Variants in SMIM10L2B observed in about 807,000 individuals in gnomAD.
SMIM10L2B encodes the protein small integral membrane protein 10-like protein 2B.
For synonymous variants in SMIM10L2B, 28 were observed against 30.0 expected, an observed-to-expected ratio of 0.93 and a Z score of 0.22; for missense variants, 40 against 58.7, an observed-to-expected ratio of 0.68 and a Z score of 1.04.
rs1158419625 is a variant in SMIM10L2B at position 135,098,493 on chromosome X, G to T, written c.141C>A (p.Phe47Leu). 97 of 1,064,288 alleles carry T rather than the reference G, an allele frequency of 9.1e-5. No homozygotes were observed. The highest frequency in any genetic ancestry group is 1.1e-4 in the Non-Finnish European group (92 of 810,887). The allele number at this position is 1,064,288 out of a possible 1,213,427, so 87.7% of individuals were successfully genotyped here. The change falls in exon 1 of 2, where the codon TTC becomes TTA. Residue 47 changes from phenylalanine (F) to leucine (L), a missense_variant. By Grantham distance (22) the Phe-to-Leu change is conservative. Coordinates refer to ENST00000433425, the MANE Select transcript of SMIM10L2B (RefSeq NM_001348255.2). Reference protein sequence around the residue: ...CKGLTRTLLTFFDLAWRLRMN... With the variant: ...CKGLTRTLLTLFDLAWRLRMN... ...TGCGCAGCCGCCAGGCCAGGTCGAA[G>T]AAGGTGAGCAGCGTGCGCGTGAGCC...
In SMIM10L2B at chrX:135,097,726, C is replaced by T. The variant is rs879978798; in HGVS notation, c.*364+307G>A. ...CATCGTTGCTCCTCTAGGGCCTTCCCGGGGCCGCCCCCAGCCCACTACCTT... is the reference window on the plus strand; with the variant it reads ...CATCGTTGCTCCTCTAGGGCCTTCCTGGGGCCGCCCCCAGCCCACTACCTT... On this transcript the variant is annotated intron_variant, in intron 1 of 1. Coordinates refer to ENST00000433425, the MANE Select transcript of SMIM10L2B (RefSeq NM_001348255.2). 3.6e-5 allele frequency among the ~76,000 whole-genome samples: 4 copies of T among 112,293 alleles called. No individual in the cohort carries two copies. In the Admixed American group the frequency reaches 3.7e-4, roughly 10 times the overall value.
rs2083444375 is a variant in SMIM10L2B at position 135,095,627 on chromosome X, G to A, written c.*1859C>T. 8.9e-6 allele frequency: 1 copy of A among 111,937 alleles called. No homozygotes were observed. Among genetic ancestry groups the A allele is most frequent in the African/African-American group, 3.3e-5 (1 of 30,746 alleles). 9.2% of individuals were successfully genotyped at this position (111,937 alleles called of 1,213,427 possible). On this transcript the variant is annotated 3_prime_UTR_variant, in exon 2 of 2. Coordinates refer to ENST00000433425, the MANE Select transcript of SMIM10L2B (RefSeq NM_001348255.2). ...ACCCTTCCTGGCTGGCCCAGGAAGAGGCTGGAGCTAGGGATCCAGTCACCC... is the reference window on the plus strand; with the variant it reads ...ACCCTTCCTGGCTGGCCCAGGAAGAAGCTGGAGCTAGGGATCCAGTCACCC...
rs2083442879 is a variant in SMIM10L2B, at chrX:135,095,223, C to CCA, written c.*2262_*2263insTG. On this transcript the variant is annotated 3_prime_UTR_variant, in exon 2 of 2. Coordinates refer to ENST00000433425, the MANE Select transcript of SMIM10L2B (RefSeq NM_001348255.2). ...GAGACCCCATCACGCAGCAAGGGCC[C>CCA]TGTAGGGGAGAGAAGAGGTGGGGAG... 1 of 111,392 alleles carries CCA rather than the reference C, an allele frequency of 9.0e-6. No homozygotes were observed. The highest frequency in any genetic ancestry group is 3.3e-5 in the African/African-American group (1 of 30,506). The allele number at this position is 111,392 out of a possible 1,213,427, so 9.2% of individuals were successfully genotyped here.
In SMIM10L2B at chrX:135,096,433, G is replaced by A. The variant is rs782501736; in HGVS notation, c.*1053C>T. 2.2e-4 allele frequency: 24 copies of A among 111,244 alleles called. No homozygotes were observed. Among genetic ancestry groups the A allele is most frequent in the African/African-American group, 7.9e-4 (24 of 30,534 alleles). The allele number at this position is 111,244 out of a possible 1,213,427, so 9.2% of individuals were successfully genotyped here. A position where few individuals can be genotyped will look rare whatever the true frequency, so the allele number is the denominator to read the frequency against. ...GCCCCACTTGCCCACCAAACTGGGA[G>A]GTTTGTGCCACTTCACTGCTGAAAA... On this transcript the variant is annotated 3_prime_UTR_variant, in exon 2 of 2. Transcript: ENST00000433425.
chrX:135,098,584 G>C lies in SMIM10L2B; in HGVS notation c.50C>G (p.Ser17Cys). The part of the protein sequence containing the change: ...LSAAAAAAAL[S>C]GLAVRLSRSA... ...GCGCGACAGCCGAACCGCCAAGCCA[G>C]ACAGGGCTGCCGCCGCCGCCGCCGC... Residue 17 changes from serine to cysteine, a missense_variant, in exon 1 of 2, where the codon TCT becomes TGT. Coordinates refer to ENST00000433425, the MANE Select transcript of SMIM10L2B (RefSeq NM_001348255.2). 1.4e-6 allele frequency: 1 copy of C among 692,235 alleles called. No individual in the cohort carries two copies. Among genetic ancestry groups the C allele is most frequent in the South Asian group, 4.2e-5 (1 of 23,632 alleles). The allele number at this position is 692,235 out of a possible 1,213,427, so 57.0% of individuals were successfully genotyped here.
In SMIM10L2B at chrX:135,095,113, TCA is replaced by T. The variant is rs1290289644; in HGVS notation, c.*2371_*2372del. On this transcript the variant is annotated 3_prime_UTR_variant, in exon 2 of 2. Transcript: ENST00000433425. Reference sequence around the variant, plus strand: ...CCTGTGCTGACCAGTACACAGTGAATCACACACAGAAACGTATGTCATTCCGG... The same window carrying T: ...CCTGTGCTGACCAGTACACAGTGAATCACACAGAAACGTATGTCATTCCGG... 1.8e-5 allele frequency: 2 copies of T among 111,203 alleles called. No individual in the cohort carries two copies. Among genetic ancestry groups the T allele is most frequent in the Non-Finnish European group, 3.8e-5 (2 of 52,947 alleles). The allele number at this position is 111,203 out of a possible 1,213,427, so 9.2% of individuals were successfully genotyped here.
chrX:135,097,054 C>T lies in SMIM10L2B; in HGVS notation c.*432G>A, dbSNP rs2083449598. On this transcript the variant is annotated 3_prime_UTR_variant, in exon 2 of 2. Coordinates refer to ENST00000433425, the MANE Select transcript of SMIM10L2B (RefSeq NM_001348255.2). The stretch of plus-strand genomic sequence containing the variant: ...AAGCAGGTCCAGGGTCAGAGGTGCC[C>T]CAGGGTAGGGATGAGACTCTTGGCA... 1.8e-5 allele frequency: 2 copies of T among 113,320 alleles called. 1 individual carries two copies. Among genetic ancestry groups the T allele is most frequent in the South Asian group, 7.1e-4 (2 of 2,833 alleles). 9.3% of individuals were successfully genotyped at this position (113,320 alleles called of 1,213,427 possible). A position where few individuals can be genotyped will look rare whatever the true frequency, so the allele number is the denominator to read the frequency against.
rs1423009250 is a variant in SMIM10L2B at position 135,096,376 on chromosome X, T to C, written c.*1110A>G. On this transcript the variant is annotated 3_prime_UTR_variant, in exon 2 of 2. Transcript: ENST00000433425. The stretch of plus-strand genomic sequence containing the variant: ...TTATCCCTTCACCCTCCTGGTTATG[T>C]CGTGTCTCCAGGAGCCATGACACCA... 1.8e-5 allele frequency: 2 copies of C among 110,525 alleles called. No individual in the cohort carries two copies. Among genetic ancestry groups the C allele is most frequent in the Non-Finnish European group, 3.8e-5 (2 of 52,737 alleles). 9.1% of individuals were successfully genotyped at this position (110,525 alleles called of 1,213,427 possible).
Position 135,098,297 on chromosome X carries a change from G to A in SMIM10L2B, c.*100C>T, listed in dbSNP as rs1275003534. ...GGCCGCCCCACCTCCGCCCCCCGCC[G>A]CGATCCAGCTGTCCTTCATGCCCGC... is the stretch of plus-strand genomic sequence containing the variant. On this transcript the variant is annotated 3_prime_UTR_variant, in exon 1 of 2. Transcript: ENST00000433425. 5 of 273,016 alleles carry A rather than the reference G, an allele frequency of 1.8e-5. No individual in the cohort carries two copies. Among genetic ancestry groups the A allele is most frequent in the African/African-American group, 1.4e-4 (5 of 34,803 alleles). 22.5% of individuals were successfully genotyped at this position (273,016 alleles called of 1,213,427 possible).
rs2083456310 is a variant in SMIM10L2B, at chrX:135,098,436, C to T, written c.198G>A (p.Ser66=). Residue 66 remains serine, a synonymous_variant, in exon 1 of 2, where the codon TCG becomes TCA. Coordinates refer to ENST00000433425, the MANE Select transcript of SMIM10L2B (RefSeq NM_001348255.2). ...CTTGCAGGCGGACGTTGAGCATCAC[C>T]GAGGCCACGATGTAGAAGTAGGGGA... ...MNFPYFYIVA[S]VMLNVRLQVR... The T allele has an allele frequency of 7.2e-6, 6 of 836,779 alleles. No homozygotes were observed. The highest frequency in any genetic ancestry group is 8.1e-6 in the Non-Finnish European group (5 of 616,236). 69.0% of individuals were successfully genotyped at this position (836,779 alleles called of 1,213,427 possible).
At position 135,098,595 on chromosome X, in the gene SMIM10L2B, C is replaced by G. The variant is rs1556398577; in HGVS notation, c.39G>C (p.Ala13=). 2 of 512,138 alleles carry G rather than the reference C, an allele frequency of 3.9e-6. No individual in the cohort carries two copies. The highest frequency in any genetic ancestry group is 4.8e-5 in the East Asian group (1 of 20,810). The allele number at this position is 512,138 out of a possible 1,213,427, so 42.2% of individuals were successfully genotyped here. ...ASAALSAAAA[A]AALSGLAVRL... is the part of the protein sequence containing the mutation. ...GAACCGCCAAGCCAGACAGGGCTGC[C>G]GCCGCCGCCGCCGCAGACAGAGCCG... The change falls in exon 1 of 2, where the codon GCG becomes GCC. Residue 13 remains alanine, a synonymous_variant. Coordinates refer to ENST00000433425, the MANE Select transcript of SMIM10L2B (RefSeq NM_001348255.2).
Position 135,095,161 on chromosome X carries a change from C to T in SMIM10L2B, c.*2325G>A, listed in dbSNP as rs1272778052. On this transcript the variant is annotated 3_prime_UTR_variant, in exon 2 of 2. Coordinates refer to ENST00000433425, the MANE Select transcript of SMIM10L2B (RefSeq NM_001348255.2). ...TCCGGTCGGTGTCTAGAAGCTCCAC[C>T]GCCTAGAAAACAGACTGCAAATAAA... 5 of 111,805 alleles carry T rather than the reference C, an allele frequency of 4.5e-5. 1 individual carries two copies. The highest frequency in any genetic ancestry group is 3.8e-4 in the Admixed American group (4 of 10,620). The allele number at this position is 111,805 out of a possible 1,213,427, so 9.2% of individuals were successfully genotyped here.
Position 135,098,648 on chromosome X carries a change from C to G in SMIM10L2B, c.-15G>C. The G allele has an allele frequency of 3.1e-6, 1 of 318,203 alleles. No individual in the cohort carries two copies. The highest frequency in any genetic ancestry group is 5.2e-6 in the Non-Finnish European group (1 of 193,455). 26.2% of individuals were successfully genotyped at this position (318,203 alleles called of 1,213,427 possible). Reference sequence around the variant, plus strand: ...GACGCCGCCATGGGCCCGGGCCCCGCGCAGGCCCCGCCGACCGATCGACCC... The same window carrying G: ...GACGCCGCCATGGGCCCGGGCCCCGGGCAGGCCCCGCCGACCGATCGACCC... On this transcript the variant is annotated 5_prime_UTR_variant, in exon 1 of 2. Transcript: ENST00000433425.
In SMIM10L2B at chrX:135,098,159, G is replaced by T; in HGVS notation, c.*238C>A. The T allele has an allele frequency of 4.3e-6, 1 of 234,877 alleles. No individual in the cohort carries two copies. The highest frequency in any genetic ancestry group is 7.7e-6 in the Non-Finnish European group (1 of 130,018). The allele number at this position is 234,877 out of a possible 1,213,427, so 19.4% of individuals were successfully genotyped here. A position where few individuals can be genotyped will look rare whatever the true frequency, so the allele number is the denominator to read the frequency against. ...AGGTAGTTTCTGGAGCCCAATTGTAGGGGCCTGTTCAGTGCATTTCTGCGC... is the reference window on the plus strand; with the variant it reads ...AGGTAGTTTCTGGAGCCCAATTGTATGGGCCTGTTCAGTGCATTTCTGCGC... On this transcript the variant is annotated 3_prime_UTR_variant, in exon 1 of 2. Coordinates refer to ENST00000433425, the MANE Select transcript of SMIM10L2B (RefSeq NM_001348255.2).
chrX:135,098,563 G>A lies in SMIM10L2B; in HGVS notation c.71C>T (p.Ser24Leu). The A allele has an allele frequency of 1.2e-6, 1 of 852,062 alleles. No individual in the cohort carries two copies. Among genetic ancestry groups the A allele is most frequent in the Non-Finnish European group, 1.6e-6 (1 of 636,687 alleles). 70.2% of individuals were successfully genotyped at this position (852,062 alleles called of 1,213,427 possible). A position where few individuals can be genotyped will look rare whatever the true frequency, so the allele number is the denominator to read the frequency against. The change falls in exon 1 of 2, where the codon TCG (serine) becomes TTG (leucine). Residue 24 changes from serine to leucine, a missense_variant. Coordinates refer to ENST00000433425, the MANE Select transcript of SMIM10L2B (RefSeq NM_001348255.2). ...AALSGLAVRL[S>L]RSAAARGSYG... Reference sequence around the variant, plus strand: ...TGAGCCTCGGGCCGCCGCCGAGCGCGACAGCCGAACCGCCAAGCCAGACAG... The same window carrying A: ...TGAGCCTCGGGCCGCCGCCGAGCGCAACAGCCGAACCGCCAAGCCAGACAG...
chrX:135,098,385 C>T lies in SMIM10L2B; in HGVS notation c.*12G>A. 3.5e-6 allele frequency: 2 copies of T among 568,920 alleles called. No individual in the cohort carries two copies. The highest frequency in any genetic ancestry group is 2.5e-6 in the Non-Finnish European group (1 of 396,720). The allele number at this position is 568,920 out of a possible 1,213,427, so 46.9% of individuals were successfully genotyped here. ...CCAGCCGGGCCTCCGCGGCCGCCGC[C>T]GCCGCCGGCGCTCACTCGATCCGCA... On this transcript the variant is annotated 3_prime_UTR_variant, in exon 1 of 2. Coordinates refer to ENST00000433425, the MANE Select transcript of SMIM10L2B (RefSeq NM_001348255.2).
chrX:135,097,508 G>A (rs1476929146), intron 1 of SMIM10L2B, among the ~76,000 whole-genome samples: 11 of 112,108 alleles, frequency 9.8e-5, no homozygotes, highest in African/African-American at 3.6e-4. Flanking sequence ...GGAACACGAC[G>A]GACAGCAGGA....
In SMIM10L2B at chrX:135,097,452, A is replaced by T. The variant is rs1262004141; in HGVS notation, c.*365-331T>A. ...GGAATGCGTCTCTCCCACTCTTCCC[A>T]GTCTCCAAATGCAAAGCTTGCAGGG... is the stretch of plus-strand genomic sequence containing the variant. On this transcript the variant is annotated intron_variant, in intron 1 of 1. Transcript: ENST00000433425. Among the ~76,000 whole-genome samples, 6 of 111,653 alleles carry T rather than the reference A, an allele frequency of 5.4e-5. No individual in the cohort carries two copies. The East Asian group carries it at 8.5e-4, about 16-fold the overall frequency.
chrX:135,097,669 C>T (rs1191685983), intron 1 of SMIM10L2B, among the ~76,000 whole-genome samples: 1 of 112,084 alleles, frequency 8.9e-6, no homozygotes, highest in Non-Finnish European at 1.9e-5. Flanking sequence ...CTCCCTATGC[C>T]CACCGACTGG....
Sources: allele counts gnomAD v4.1 joint callset (sites outside exome capture counted in the v4.1 genomes callset), GRCh38; gene constraint gnomAD v4.1.1; transcripts MANE v1.5; gene names NCBI Gene and HGNC (gene_info 2026-07-23, HGNC 2026-07-21).